The following PACSIN2 variants were observed in gnomAD, a reference collection of about 807,000 sequenced individuals.
PACSIN2 encodes protein kinase C and casein kinase substrate in neurons protein 2.
In PACSIN2, 25 loss-of-function variants were observed where a neutral mutation model predicts 63.8. The observed-to-expected ratio is 0.39, with a 90% CI of 0.29 to 0.55. PACSIN2 has a LOEUF of 0.55. Among genes scored for constraint, PACSIN2 ranks in the 20% least tolerant of loss-of-function variants. PACSIN2 has a pLI of 0.62. For synonymous variants in PACSIN2, 255 were observed against 256.2 expected (o/e 1.00, Z 0.05); for missense variants, 518 against 646.9 (o/e 0.80, Z 2.16).
At chr22:42,975,457 A>AATATAT (rs57140073) in intron 1 of PACSIN2, among the ~76,000 whole-genome samples, 7 of 140,728 alleles carry the variant, frequency 5.0e-5, no homozygotes, top group Admixed American at 7.1e-5. Context: ...AATATATACA[A>AATATAT]ATATATATAT....
At chr22:42,968,225 A>G (rs1920999155) in intron 1 of PACSIN2, among the ~76,000 whole-genome samples, 1 of 152,232 alleles carries the variant, frequency 6.6e-6, no homozygotes, top group Admixed American at 6.5e-5. Context: ...TCCCAGAACT[A>G]AACATCTGTT....
At chr22:42,986,008 C>T (rs1012505521) in intron 1 of PACSIN2, among the ~76,000 whole-genome samples, 2 of 151,864 alleles carry the variant, frequency 1.3e-5, no homozygotes, top group Admixed American at 1.3e-4. Context: ...CTTGATTGGG[C>T]CAATGCCCCA....
At chr22:42,904,861 C>T (rs888294591) in intron 2 of PACSIN2, among the ~76,000 whole-genome samples, 3 of 152,226 alleles carry the variant, frequency 2.0e-5, no homozygotes, top group Non-Finnish European at 4.4e-5. Context: ...TGCCTGGGCA[C>T]CCCAGCTCCG....
intron 1 of PACSIN2, among the ~76,000 whole-genome samples, chr22:42,946,370 C>A (rs1382429149): frequency 2.0e-5 from 3 of 152,216 alleles, no homozygotes; most frequent in African/African-American, 7.2e-5. Flanking sequence ...CTGACTGCCA[C>A]TGCATCCAGG....
chr22:42,919,355 A>G (rs1932013876), intron 1 of PACSIN2, among the ~76,000 whole-genome samples: 2 of 152,176 alleles, frequency 1.3e-5, no homozygotes, highest in African/African-American at 4.8e-5. Flanking sequence ...AATTTTGAGA[A>G]AGTGCAAAGT....
intron 1 of PACSIN2, among the ~76,000 whole-genome samples, chr22:43,008,246 T>C (rs1883313): frequency 5.8e-4 from 88 of 152,330 alleles, no homozygotes; most frequent in African/African-American, 1.9e-3. Context: ...GGCTCTAAAA[T>C]TCAGTGGTCT....
chr22:42,872,536 T>C (rs1312288535), intron 10 of PACSIN2, among the ~76,000 whole-genome samples: 2 of 152,252 alleles, frequency 1.3e-5, no homozygotes, highest in Non-Finnish European at 2.9e-5. Context: ...CCCTGATGCT[T>C]TGGATTTTGT....
intron 1 of PACSIN2, among the ~76,000 whole-genome samples, chr22:43,009,009 AG>A (rs1451984347): frequency 1.1e-5 from 1 of 93,332 alleles, no homozygotes; most frequent in Non-Finnish European, 2.1e-5. Context: ...TTTCACATAC[AG>A]AAAAGGTGTT....
chr22:42,932,194 A>G (rs1932792610), intron 1 of PACSIN2, among the ~76,000 whole-genome samples: 1 of 152,120 alleles, frequency 6.6e-6, no homozygotes, highest in Non-Finnish European at 1.5e-5. Context: ...CTTCAACATA[A>G]TAAGCTCATC....
intron 1 of PACSIN2, among the ~76,000 whole-genome samples, chr22:43,008,683 G>A (rs1248668405): frequency 6.6e-6 from 1 of 152,260 alleles, no homozygotes; most frequent in Non-Finnish European, 1.5e-5. Context: ...CTGTTGGACA[G>A]TCCTGGCCAC....
At chr22:42,893,681 G>A in intron 2 of PACSIN2, 68 bp from the exon 3 acceptor site, 1 of 1,531,810 alleles carries the variant, frequency 6.5e-7, no homozygotes, top group South Asian at 1.2e-5. Flanking sequence ...GGCACAAATG[G>A]CCTCCATGCC....
intron 1 of PACSIN2, among the ~76,000 whole-genome samples, chr22:43,006,199 A>C (rs1228547712): frequency 6.6e-6 from 1 of 152,182 alleles, no homozygotes; most frequent in Non-Finnish European, 1.5e-5. Context: ...CCTCCTCAGA[A>C]CCCAACCATG....
chr22:42,997,118 C>A (rs1410798942), intron 1 of PACSIN2, among the ~76,000 whole-genome samples: 1 of 152,188 alleles, frequency 6.6e-6, no homozygotes, highest in Non-Finnish European at 1.5e-5. Flanking sequence ...GCTGGCCTTC[C>A]CTCCACACCA....
chr22:42,938,407 C>T (rs985388126), intron 1 of PACSIN2, among the ~76,000 whole-genome samples: 2 of 152,224 alleles, frequency 1.3e-5, no homozygotes, highest in Non-Finnish European at 2.9e-5. Context: ...CCCTCTGGAA[C>T]ACACAGGAGG....
intron 8 of PACSIN2, among the ~76,000 whole-genome samples, chr22:42,878,562 GAA>G (rs1403508989): frequency 1.3e-5 from 2 of 152,216 alleles, no homozygotes; most frequent in Non-Finnish European, 2.9e-5. Flanking sequence ...TGCTCCTAGT[GAA>G]GAGGTAATTT....
chr22:42,887,172 A>C (rs765223092), intron 5 of PACSIN2, among the ~76,000 whole-genome samples: 9 of 152,164 alleles, frequency 5.9e-5, no homozygotes, highest in Non-Finnish European at 1.3e-4. Flanking sequence ...GGCTGCTTCA[A>C]AAGCCCAGAT....
intron 1 of PACSIN2, among the ~76,000 whole-genome samples, chr22:42,986,340 C>T (rs568187869): frequency 1.3e-5 from 2 of 152,300 alleles, no homozygotes; most frequent in African/African-American, 2.4e-5. Context: ...TTTGGAAAAG[C>T]GCAGCGGCCC....
At chr22:42,927,450 T>A (rs544000502) in intron 1 of PACSIN2, among the ~76,000 whole-genome samples, 3 of 152,240 alleles carry the variant, frequency 2.0e-5, no homozygotes, top group Non-Finnish European at 4.4e-5. Context: ...GGTTTCGCCA[T>A]GTTGGCCAGG....
At chr22:42,952,160 G>A (rs570392857) in intron 1 of PACSIN2, among the ~76,000 whole-genome samples, 1 of 152,234 alleles carries the variant, frequency 6.6e-6, no homozygotes, top group East Asian at 1.9e-4. Context: ...CCAGGATTTT[G>A]CCTTGTTTGC....
Sources: gnomAD v4.1 joint callset for allele counts (sites outside exome capture counted in the v4.1 genomes callset) on GRCh38, gnomAD v4.1.1 for gene constraint, MANE v1.5 for transcripts, NCBI Gene and HGNC (gene_info 2026-07-23, HGNC 2026-07-21) for gene names.